ABCA5: variants seen among roughly 807,000 people sequenced by gnomAD.
ABCA5 encodes the protein cholesterol transporter ABCA5.
In ABCA5, 163 loss-of-function variants were observed where a neutral mutation model predicts 206.0. That is an observed-to-expected ratio of 0.79 (90% confidence interval 0.70 to 0.90). ABCA5 has a LOEUF of 0.90. Ranked by LOEUF, ABCA5 falls within the 40% of genes least tolerant of loss-of-function variation. The pLI, the probability that ABCA5 is intolerant of heterozygous loss-of-function variation, is 0.00. For synonymous variants in ABCA5, 609 were observed against 613.8 expected, an observed-to-expected ratio of 0.99 and a Z score of 0.11; for missense variants, 1,859 against 1,912.9, an observed-to-expected ratio of 0.97 and a Z score of 0.53.
intron 20 of ABCA5, 71 bp from the exon 21 acceptor site, chr17:69,271,360 A>T: frequency 7.0e-7 from 1 of 1,424,490 alleles, no homozygotes; most frequent in Non-Finnish European, 9.5e-7. Flanking sequence ...TGGGAAGATA[A>T]TTCTATTTTT....
At chr17:69,289,785 T>A in intron 13 of ABCA5, 77 bp downstream of exon 13, 1 of 1,175,904 alleles carries the variant, frequency 8.5e-7, no homozygotes, top group Non-Finnish European at 1.2e-6. Context: ...TTCAAGCATA[T>A]TTTTATTGCA....
chr17:69,291,575 GA>G (rs1457397647), intron 11 of ABCA5, among the ~76,000 whole-genome samples: 1 of 152,074 alleles, frequency 6.6e-6, no homozygotes, highest in Admixed American at 6.6e-5. Context: ...AAATATTTGG[GA>G]ATTTTCTGTG....
In ABCA5 at chr17:69,282,783, A is replaced by AG. The variant is rs1337999886; in HGVS notation, c.2392+1169dup. On this transcript the variant is annotated intron_variant, in intron 18 of 38. Coordinates refer to ENST00000392676, the MANE Select transcript of ABCA5 (RefSeq NM_172232.4). Reference sequence around the variant, plus strand: ...CAAGACTCAAAAAAAAAAAAAAAAAAGGAAAAAACTCATGCCTGCATTCCT... The same window carrying AG: ...CAAGACTCAAAAAAAAAAAAAAAAAAGGGAAAAAACTCATGCCTGCATTCCT... 5.2e-3 allele frequency among the ~76,000 whole-genome samples: 692 copies of AG among 133,944 alleles called. 12 individuals carry two copies. The highest frequency in any genetic ancestry group is 0.017 in the African/African-American group (634 of 36,918). The allele number at this position is 133,944 out of a possible 152,430, so 87.9% of individuals were successfully genotyped here. A position where few individuals can be genotyped will look rare whatever the true frequency, so the allele number is the denominator to read the frequency against.
intron 12 of ABCA5, 122 bp downstream of exon 12, chr17:69,291,094 T>G (rs1488404511): frequency 1.2e-5 from 6 of 520,300 alleles, no homozygotes; most frequent in Non-Finnish European, 2.0e-5. Flanking sequence ...ATGTGTATAA[T>G]CAAGAAAAAA....
rs141978506 is a variant in ABCA5, at chr17:69,250,573, G to A, written c.4584C>T (p.Tyr1528=). The change falls in exon 36 of 39, where the codon TAC becomes TAT. Residue 1528 remains tyrosine (Y), a synonymous_variant. Coordinates refer to ENST00000392676, the MANE Select transcript of ABCA5 (RefSeq NM_172232.4). ...QHLKSKFGKG[Y]FLEIKLKDWI... The stretch of plus-strand genomic sequence containing the variant: ...AGTCCTTCAATTTAATTTCCAAAAA[G>A]TAGCCTTTTCCAAATTTACTCTTTA... 16 of 1,600,158 alleles carry A rather than the reference G, an allele frequency of 1.0e-5. No homozygotes were observed. Among genetic ancestry groups the A allele is most frequent in the Middle Eastern group, 3.4e-4 (2 of 5,940 alleles).
At chr17:69,280,826 C>T (rs1227545973) in intron 18 of ABCA5, among the ~76,000 whole-genome samples, 1 of 151,862 alleles carries the variant, frequency 6.6e-6, no homozygotes, top group Non-Finnish European at 1.5e-5. Context: ...TAGGTGGGAA[C>T]TGAACAATGA....
At chr17:69,299,461 C>CACACACATAT (rs1387365973) in intron 9 of ABCA5, among the ~76,000 whole-genome samples, 1 of 141,628 alleles carries the variant, frequency 7.1e-6, no homozygotes, top group Non-Finnish European at 1.5e-5. Context: ...GTGATACACA[C>CACACACATAT]ACACACACAT....
chr17:69,321,261 T>C (rs2075862938), intron 1 of ABCA5, among the ~76,000 whole-genome samples: 1 of 151,480 alleles, frequency 6.6e-6, no homozygotes, highest in Non-Finnish European at 1.5e-5. Flanking sequence ...GAATGAGGTT[T>C]CCAGAAAGAA....
Position 69,246,006 on chromosome 17 carries a change from G to A in ABCA5, c.*1531C>T, listed in dbSNP as rs2074945908. ...TACAAAAGCACATCCCAAAAAAGAGGTCCCTGGGTATTTATGTGAACATTA... is the reference window on the plus strand; with the variant it reads ...TACAAAAGCACATCCCAAAAAAGAGATCCCTGGGTATTTATGTGAACATTA... On this transcript the variant is annotated 3_prime_UTR_variant, in exon 39 of 39. Transcript: ENST00000392676. The A allele has an allele frequency of 6.6e-6, 1 of 151,868 alleles. No homozygotes were observed. The highest frequency in any genetic ancestry group is 2.4e-5 in the African/African-American group (1 of 41,394). The allele number at this position is 151,868 out of a possible 1,614,324, so 9.4% of individuals were successfully genotyped here. A position where few individuals can be genotyped will look rare whatever the true frequency, so the allele number is the denominator to read the frequency against.
rs190369293 is a variant in ABCA5, at chr17:69,298,682, T to C, written c.1268-1323A>G. Reference sequence around the variant, plus strand: ...AACTGGATCCTCATCTCTCACCCTATACAAAAATCAACTCAAGATAGATAA... The same window carrying C: ...AACTGGATCCTCATCTCTCACCCTACACAAAAATCAACTCAAGATAGATAA... On this transcript the variant is annotated intron_variant, in intron 9 of 38. Coordinates refer to ENST00000392676, the MANE Select transcript of ABCA5 (RefSeq NM_172232.4). Among the ~76,000 whole-genome samples, 607 of 135,142 alleles carry C rather than the reference T, an allele frequency of 4.5e-3. 6 individuals are homozygous for C. The highest frequency in any genetic ancestry group is 0.015 in the African/African-American group (591 of 39,240). 88.7% of individuals were successfully genotyped at this position (135,142 alleles called of 152,430 possible).
In ABCA5 at chr17:69,304,609, TTGCTA is replaced by T. The variant is rs764279756; in HGVS notation, c.930+55_930+59del. On this transcript the variant is annotated intron_variant, in intron 7 of 38. Transcript: ENST00000392676. ...TATAAGTAAACTGAAGAAAAAGACTTTGCTATGTTATCAAACATTTTGACAGTTCT... is the reference window on the plus strand; with the variant it reads ...TATAAGTAAACTGAAGAAAAAGACTTTGTTATCAAACATTTTGACAGTTCT... 10 of 1,367,836 alleles carry T rather than the reference TTGCTA, an allele frequency of 7.3e-6. No homozygotes were observed. In the South Asian group the frequency reaches 1.8e-4, roughly 24 times the overall value. The allele number at this position is 1,367,836 out of a possible 1,614,324, so 84.7% of individuals were successfully genotyped here.
chr17:69,271,355 AGATAAT>A, intron 20 of ABCA5, 66 bp from the exon 21 acceptor site: 1 of 1,442,762 alleles, frequency 6.9e-7, no homozygotes, highest in Non-Finnish European at 9.4e-7. Context: ...AACACTGGGA[AGATAAT>A]TCTATTTTTA....
At chr17:69,323,110 G>A (rs941062552) in intron 1 of ABCA5, among the ~76,000 whole-genome samples, 14 of 152,124 alleles carry the variant, frequency 9.2e-5, no homozygotes, top group African/African-American at 3.1e-4. Context: ...TTTGGAGACT[G>A]GGTCATGAAG....
Position 69,306,812 on chromosome 17 carries a change from T to C in ABCA5, c.701A>G (p.Tyr234Cys), listed in dbSNP as rs1458817526. The C allele has an allele frequency of 3.8e-6, 6 of 1,598,354 alleles. No individual in the cohort carries two copies. The highest frequency in any genetic ancestry group is 5.1e-6 in the Non-Finnish European group (6 of 1,172,178). Residue 234 changes from tyrosine to cysteine, a missense_variant, in exon 6 of 39, where the codon TAC (tyrosine) becomes TGC (cysteine). Tyr to Cys is a radical substitution (Grantham distance 194). Transcript: ENST00000392676. ...TGCTACGATATGAATTGCCAAAAAG[T>C]ATCCAAAAGGTGAAAATGCTATAAC... is the stretch of plus-strand genomic sequence containing the variant. ...YLVIAFSPFG[Y>C]FLAIHIVAEK...
At chr17:69,290,792 G>A (rs917318370) in intron 12 of ABCA5, among the ~76,000 whole-genome samples, 1 of 152,076 alleles carries the variant, frequency 6.6e-6, no homozygotes. Context: ...TACTTTTGAG[G>A]TATGCCTTTA....
At chr17:69,260,997 A>C in intron 26 of ABCA5, 128 bp downstream of exon 26, 1 of 719,452 alleles carries the variant, frequency 1.4e-6, no homozygotes, top group Non-Finnish European at 2.2e-6. Flanking sequence ...TGCATTAATA[A>C]TATCTAAATC....
At chr17:69,258,447 T>C (rs1432229660) in intron 28 of ABCA5, among the ~76,000 whole-genome samples, 8 of 152,178 alleles carry the variant, frequency 5.3e-5, no homozygotes, top group African/African-American at 1.9e-4. Context: ...ATGTTCTCAC[T>C]TATAAGTTCT....
intron 27 of ABCA5, 150 bp from the exon 28 acceptor site, chr17:69,259,947 T>C: frequency 2.2e-6 from 1 of 452,612 alleles, no homozygotes; most frequent in Admixed American, 4.0e-5. Context: ...TTTTACATGA[T>C]AAAGATAATT....
Position 69,309,250 on chromosome 17 carries a change from A to G in ABCA5, c.469+12T>C, listed in dbSNP as rs752435512. ...TTTAATTGATCTTCAATGATTATGTAGGGCTATTTACCTCTTGAATCCATA... is the reference window on the plus strand; with the variant it reads ...TTTAATTGATCTTCAATGATTATGTGGGGCTATTTACCTCTTGAATCCATA... On this transcript the variant is annotated intron_variant, in intron 4 of 38. Coordinates refer to ENST00000392676, the MANE Select transcript of ABCA5 (RefSeq NM_172232.4). 2 of 1,537,172 alleles carry G rather than the reference A, an allele frequency of 1.3e-6. No homozygotes were observed. The highest frequency in any genetic ancestry group is 2.4e-5 in the East Asian group (1 of 42,222).
Sources: gnomAD v4.1 joint callset for allele counts (sites outside exome capture counted in the v4.1 genomes callset) on GRCh38, gnomAD v4.1.1 for gene constraint, MANE v1.5 for transcripts, NCBI Gene and HGNC (gene_info 2026-07-23, HGNC 2026-07-21) for gene names.